Variants in MGRN1 observed in about 807,000 individuals in gnomAD.
MGRN1 encodes the protein mahogunin ring finger 1.
In MGRN1, 29 loss-of-function variants were observed where a neutral mutation model predicts 69.2. The observed-to-expected ratio is 0.42, with a 90% CI of 0.31 to 0.57. The LOEUF (loss-of-function observed/expected upper bound fraction) is 0.57. Ranked by LOEUF, MGRN1 falls within the 20% of genes least tolerant of loss-of-function variation. The pLI, the probability that MGRN1 is intolerant of heterozygous loss-of-function variation, is 0.15. For missense variants in MGRN1, 998 were observed against 796.2 expected, an observed-to-expected ratio of 1.25 and a Z score of -3.05; for synonymous variants, 470 against 344.2, an observed-to-expected ratio of 1.37 and a Z score of -4.04.
In MGRN1 at chr16:4,671,376, C is replaced by G. The variant is rs779432863; in HGVS notation, c.727-15C>G. ...CAGTTGGCGAGGGCCCAGTGAGCCCCTCTCTGCTCTCCAGGTGGACCGGGT... is the reference window on the plus strand; with the variant it reads ...CAGTTGGCGAGGGCCCAGTGAGCCCGTCTCTGCTCTCCAGGTGGACCGGGT... On this transcript the variant is annotated splice_polypyrimidine_tract_variant and intron_variant, in intron 8 of 16. Transcript: ENST00000262370. 6.2e-7 allele frequency: 1 copy of G among 1,614,020 alleles called. No individual in the cohort carries two copies. The highest frequency in any genetic ancestry group is 1.7e-5 in the Admixed American group (1 of 60,012).
In MGRN1 at chr16:4,689,097, T is replaced by C. The variant is rs752360480; in HGVS notation, c.*189T>C. The C allele has an allele frequency of 1.7e-5, 12 of 721,810 alleles. No homozygotes were observed. Among genetic ancestry groups the C allele is most frequent in the Admixed American group, 3.2e-5 (1 of 31,280 alleles). The allele number at this position is 721,810 out of a possible 1,614,324, so 44.7% of individuals were successfully genotyped here. ...CCTTCTGAGTCTCCCTTTTCTACAG[T>C]TGATATATTTGTAACTGGTACAAGA... On this transcript the variant is annotated 3_prime_UTR_variant, in exon 17 of 17. Transcript: ENST00000262370.
At chr16:4,670,146 C>T (rs113849696) in intron 8 of MGRN1, among the ~76,000 whole-genome samples, 4,084 of 152,150 alleles carry the variant, frequency 0.027, 97 homozygotes, top group Middle Eastern at 0.068. Context: ...CTCACTTCAA[C>T]CTCTGTCTCC....
intron 9 of MGRN1, among the ~76,000 whole-genome samples, chr16:4,672,177 T>A (rs565822378): frequency 6.6e-6 from 1 of 152,282 alleles, no homozygotes; most frequent in South Asian, 2.1e-4. Flanking sequence ...GTGCTGGGAT[T>A]ACAGGCGTGA....
rs1242129485 is a variant in MGRN1 at position 4,624,903 on chromosome 16, G to GC, written c.-56dup. On this transcript the variant is annotated 5_prime_UTR_variant, in exon 1 of 17. Transcript: ENST00000262370. ...CGGGCCATGTCCGCGTGAGGACCCC[G>GC]CCGCTGTCGCCGCTCCCGTTCCGGC... The GC allele has an allele frequency of 3.5e-6, 5 of 1,436,164 alleles. No individual in the cohort carries two copies. Among genetic ancestry groups the GC allele is most frequent in the Non-Finnish European group, 4.7e-6 (5 of 1,074,304 alleles). The allele number at this position is 1,436,164 out of a possible 1,614,324, so 89.0% of individuals were successfully genotyped here.
At chr16:4,688,013 A>G (rs1399086453) in intron 16 of MGRN1, 16 of 985,412 alleles carry the variant, frequency 1.6e-5, no homozygotes, top group Non-Finnish European at 1.9e-5. Context: ...AAGCTTCCGG[A>G]GCTGGGGAGT....
intron 10 of MGRN1, 73 bp downstream of exon 10, chr16:4,673,730 G>C (rs939796092): frequency 6.4e-7 from 1 of 1,553,428 alleles, no homozygotes; most frequent in Non-Finnish European, 8.7e-7. Context: ...GTGGTCCTGG[G>C]ATAGGGGGCC....
chr16:4,636,759 C>G (rs1194674700), intron 1 of MGRN1, among the ~76,000 whole-genome samples: 5 of 152,082 alleles, frequency 3.3e-5, no homozygotes, highest in Admixed American at 6.6e-5. Flanking sequence ...GCGCCTTTCT[C>G]TATGCGAATT....
At position 4,651,874 on chromosome 16, in the gene MGRN1, C is replaced by T; in HGVS notation, c.208-89C>T. 4 of 1,162,410 alleles carry T rather than the reference C, an allele frequency of 3.4e-6. 1 individual carries two copies. In the Middle Eastern group the frequency reaches 7.7e-4, roughly 225 times the overall value. 72.0% of individuals were successfully genotyped at this position (1,162,410 alleles called of 1,614,324 possible). On this transcript the variant is annotated intron_variant, in intron 2 of 16. Transcript: ENST00000262370. ...TGGGACTAGATCCCAGGGATACCCT[C>T]TGGGGCTGTGGCTGCTGCACCCTGA...
intron 5 of MGRN1, among the ~76,000 whole-genome samples, chr16:4,658,247 C>G (rs1481143237): frequency 6.6e-6 from 1 of 151,522 alleles, no homozygotes; most frequent in African/African-American, 2.4e-5. Context: ...CAGTACAGAC[C>G]TTGTGTGGCC....
rs58001283 is a variant in MGRN1 at position 4,669,431 on chromosome 16, C to CAAAAAAAAA, written c.726+1128_726+1136dup. On this transcript the variant is annotated intron_variant, in intron 8 of 16. Coordinates refer to ENST00000262370, the MANE Select transcript of MGRN1 (RefSeq NM_015246.4). The stretch of plus-strand genomic sequence containing the variant: ...CCTGGGTGACAGAGGAAGACTGTGT[C>CAAAAAAAAA]AAAAAAAAAAAAAAAAAGCTGTGCA... Among the ~76,000 whole-genome samples, 23 of 93,022 alleles carry CAAAAAAAAA rather than the reference C, an allele frequency of 2.5e-4. 5 individuals carry two copies. Among genetic ancestry groups the CAAAAAAAAA allele is most frequent in the South Asian group, 7.9e-4 (2 of 2,534 alleles). The allele number at this position is 93,022 out of a possible 152,430, so 61.0% of individuals were successfully genotyped here.
Position 4,624,946 on chromosome 16 carries a change from G to A in MGRN1, c.-15G>A, listed in dbSNP as rs1267983716. ...GTTCCGGCCCTGGCCCCTCTGCCCG[G>A]CAGCGCCGCGCACCATGGGCTCCAT... On this transcript the variant is annotated 5_prime_UTR_variant, in exon 1 of 17. Coordinates refer to ENST00000262370, the MANE Select transcript of MGRN1 (RefSeq NM_015246.4). 2.6e-6 allele frequency: 4 copies of A among 1,531,862 alleles called. No individual in the cohort carries two copies. Among genetic ancestry groups the A allele is most frequent in the Non-Finnish European group, 3.5e-6 (4 of 1,141,712 alleles). The allele number at this position is 1,531,862 out of a possible 1,614,324, so 94.9% of individuals were successfully genotyped here.
intron 1 of MGRN1, among the ~76,000 whole-genome samples, chr16:4,647,870 C>T (rs1384755031): frequency 1.3e-5 from 2 of 152,108 alleles, no homozygotes; most frequent in Non-Finnish European, 2.9e-5. Context: ...CTGTTCCTGG[C>T]AGTCAGCAGC....
chr16:4,624,900 C>G lies in MGRN1; in HGVS notation c.-61C>G. ...GTCCGGGCCATGTCCGCGTGAGGAC[C>G]CCGCCGCTGTCGCCGCTCCCGTTCC... On this transcript the variant is annotated 5_prime_UTR_variant, in exon 1 of 17. Coordinates refer to ENST00000262370, the MANE Select transcript of MGRN1 (RefSeq NM_015246.4). 7.0e-7 allele frequency: 1 copy of G among 1,427,362 alleles called. No individual in the cohort carries two copies. Among genetic ancestry groups the G allele is most frequent in the South Asian group, 1.3e-5 (1 of 76,342 alleles). The allele number at this position is 1,427,362 out of a possible 1,614,324, so 88.4% of individuals were successfully genotyped here.
chr16:4,661,249 G>A (rs114587444), intron 5 of MGRN1, among the ~76,000 whole-genome samples: 1,773 of 152,226 alleles, frequency 0.012, 35 homozygotes, highest in African/African-American at 0.04. Context: ...AGAGTGTTGG[G>A]ATTATAGGCG....
intron 8 of MGRN1, among the ~76,000 whole-genome samples, chr16:4,668,921 T>G (rs894613361): frequency 6.6e-6 from 1 of 150,674 alleles, no homozygotes; most frequent in African/African-American, 2.5e-5. Context: ...TATACAGACA[T>G]ACATACACAC....
intron 7 of MGRN1, 119 bp from the exon 8 acceptor site, chr16:4,668,141 TTTTTC>T (rs1365413038): frequency 4.6e-6 from 3 of 656,646 alleles, no homozygotes; most frequent in Admixed American, 3.3e-5. Context: ...TTTTTTTTCT[TTTTTC>T]TTTTTCCAGC....
chr16:4,668,150 T>A (rs948487165), intron 7 of MGRN1, 115 bp from the exon 8 acceptor site: 71 of 725,614 alleles, frequency 9.8e-5, no homozygotes, highest in Non-Finnish European at 1.5e-4. Context: ...TTTTTTCTTT[T>A]TCCAGCTGTG....
At chr16:4,666,137 TC>T (rs2078800596) in intron 7 of MGRN1, among the ~76,000 whole-genome samples, 1 of 151,974 alleles carries the variant, frequency 6.6e-6, no homozygotes, top group Non-Finnish European at 1.5e-5. Flanking sequence ...CCATCTCTTT[TC>T]TTTTTTTTAA....
chr16:4,689,789 G>C lies in MGRN1; in HGVS notation c.*881G>C, dbSNP rs2079415613. 6.8e-6 allele frequency: 1 copy of C among 147,986 alleles called. No homozygotes were observed. The highest frequency in any genetic ancestry group is 1.5e-5 in the Non-Finnish European group (1 of 67,166). 9.2% of individuals were successfully genotyped at this position (147,986 alleles called of 1,614,324 possible). On this transcript the variant is annotated 3_prime_UTR_variant, in exon 17 of 17. Transcript: ENST00000262370. The stretch of plus-strand genomic sequence containing the variant: ...TCTCTTTTTTTTTTTTTTTGAGATG[G>C]AGTTTCACTCTTGCTGCCCAGGCTG...
Sources: gnomAD v4.1 joint callset for allele counts (sites outside exome capture counted in the v4.1 genomes callset) on GRCh38, gnomAD v4.1.1 for gene constraint, MANE v1.5 for transcripts, NCBI Gene and HGNC (gene_info 2026-07-23, HGNC 2026-07-21) for gene names.